The following DMD variants were observed in gnomAD, a reference collection of about 807,000 sequenced individuals.
DMD encodes dystrophin.
DMD carries 63 observed loss-of-function variants against 330.1 expected under a neutral mutation model. The ratio of observed to expected loss-of-function variants is 0.19; its 90% CI spans 0.16 to 0.24. The LOEUF (loss-of-function observed/expected upper bound fraction) is 0.24. Among genes scored for constraint, DMD ranks in the 10% least tolerant of loss-of-function variants. The pLI is 1.00. For missense variants in DMD, 3,344 were observed against 2,684.1 expected (o/e 1.25, Z -5.43); for synonymous variants, 1,223 against 959.8 (o/e 1.27, Z -5.07).
rs897571986 is a variant in DMD at position 31,298,967 on chromosome X, T to G, written c.9224+24631A>C. 8.0e-5 allele frequency among the ~76,000 whole-genome samples: 9 copies of G among 112,210 alleles called. No homozygotes were observed. The Admixed American group carries it at 8.5e-4, about 11-fold the overall frequency. On this transcript the variant is annotated intron_variant, in intron 62 of 78. Transcript: ENST00000357033. ...GCTTTACCTTTGAAGTTTTTTTCTT[T>G]TTCTTTTTTTGGGAAACAAAACACA...
rs12012233 is a variant in DMD at position 32,843,594 on chromosome X, G to A, written c.264+1189C>T. ...CAGATAAGCTGAGCAACATTTGGGGGAGTACATGTTATTATTAATCTATCC... is the reference window on the plus strand; with the variant it reads ...CAGATAAGCTGAGCAACATTTGGGGAAGTACATGTTATTATTAATCTATCC... On this transcript the variant is annotated intron_variant, in intron 4 of 78. Transcript: ENST00000357033. Among the ~76,000 whole-genome samples the A allele has an allele frequency of 2.1e-3, 238 of 112,155 alleles. 1 individual carries two copies. Among genetic ancestry groups the A allele is most frequent in the African/African-American group, 7.4e-3 (229 of 30,883 alleles).
In DMD at chrX:31,279,362, T is replaced by C. The variant is rs763661305; in HGVS notation, c.9225-18346A>G. 3.6e-5 allele frequency among the ~76,000 whole-genome samples: 4 copies of C among 112,206 alleles called. No individual in the cohort carries two copies. In the East Asian group the frequency reaches 1.1e-3, roughly 31 times the overall value. On this transcript the variant is annotated intron_variant, in intron 62 of 78. Coordinates refer to ENST00000357033, the MANE Select transcript of DMD (RefSeq NM_004006.3). ...CTTCCTGTAACTTTTCTTGAATATT[T>C]TGTGATATCTTGCAACATGGCCAAA...
chrX:31,614,089 C>T (rs1481923802), intron 55 of DMD, among the ~76,000 whole-genome samples: 2 of 112,343 alleles, frequency 1.8e-5, no homozygotes, highest in African/African-American at 6.5e-5. Flanking sequence ...CTTTTTAAAA[C>T]TGCATTGCAC....
intron 7 of DMD, among the ~76,000 whole-genome samples, chrX:32,719,329 A>G (rs1266471707): frequency 8.9e-6 from 1 of 112,111 alleles, no homozygotes; most frequent in Non-Finnish European, 1.9e-5. Context: ...GTTTACATGA[A>G]CCAAATAAAA....
chrX:32,310,433 C>T (rs996200176), intron 41 of DMD, among the ~76,000 whole-genome samples, 157 bp from the exon 42 acceptor site: 3 of 110,676 alleles, frequency 2.7e-5, no homozygotes, highest in African/African-American at 6.5e-5. Context: ...TCTAGTAAAA[C>T]GGTGATTTAT....
chrX:32,799,676 C>A (rs1250022804), intron 7 of DMD, among the ~76,000 whole-genome samples: 5 of 107,277 alleles, frequency 4.7e-5, no homozygotes, highest in African/African-American at 1.7e-4. Flanking sequence ...CCACGACCAA[C>A]GCATGTAGAA....
At position 32,390,174 on chromosome X, in the gene DMD, T is replaced by C. The variant is rs562517517; in HGVS notation, c.4241A>G (p.Gln1414Arg). The C allele has an allele frequency of 1.7e-6, 2 of 1,187,339 alleles. No individual in the cohort carries two copies. The highest frequency in any genetic ancestry group is 2.3e-4 in the Middle Eastern group (1 of 4,297). Residue 1414 changes from glutamine (Q) to arginine (R), a missense_variant, in exon 31 of 79, where the codon CAA becomes CGA. Coordinates refer to ENST00000357033, the MANE Select transcript of DMD (RefSeq NM_004006.3). The part of the protein sequence containing the change: ...AQMPQEAQKI[Q>R]SDLTSHEISL... ...GATCTCATGACTTGTCAAATCAGATTGGATTTTCTGTTGGGAGGATAGCAT... is the reference window on the plus strand; with the variant it reads ...GATCTCATGACTTGTCAAATCAGATCGGATTTTCTGTTGGGAGGATAGCAT...
intron 59 of DMD, among the ~76,000 whole-genome samples, chrX:31,447,225 C>A: frequency 1.1e-5 from 1 of 91,478 alleles, no homozygotes; most frequent in African/African-American, 3.9e-5. Flanking sequence ...TTAAAATTTA[C>A]TTTTCTTCTT....
At chrX:32,358,660 T>C (rs2097817423) in intron 37 of DMD, among the ~76,000 whole-genome samples, 1 of 111,645 alleles carries the variant, frequency 9.0e-6, no homozygotes, top group African/African-American at 3.3e-5. Flanking sequence ...CTTAAATTCA[T>C]CCACTTCATT....
intron 15 of DMD, among the ~76,000 whole-genome samples, chrX:32,568,509 G>GAA (rs35867606): frequency 1.1e-3 from 103 of 92,050 alleles, no homozygotes; most frequent in Admixed American, 2.5e-3. Context: ...TCCATCTCAA[G>GAA]AAAAAAAAAA....
intron 9 of DMD, among the ~76,000 whole-genome samples, chrX:32,678,155 G>A (rs1031153871): frequency 2.7e-5 from 3 of 111,892 alleles, no homozygotes; most frequent in Non-Finnish European, 5.6e-5. Flanking sequence ...CATCATGCAA[G>A]ATGAATAAAT....
intron 1 of DMD, among the ~76,000 whole-genome samples, chrX:33,139,406 G>A (rs1347867916): frequency 1.8e-5 from 2 of 111,233 alleles, no homozygotes; most frequent in African/African-American, 6.6e-5. Flanking sequence ...GAGTGCAGTG[G>A]AACGATCTCA....
intron 25 of DMD, among the ~76,000 whole-genome samples, chrX:32,457,721 G>C (rs759176961): frequency 2.7e-5 from 3 of 109,834 alleles, no homozygotes; most frequent in East Asian, 5.8e-4. Flanking sequence ...TTTGCAGAAA[G>C]ATGGAAAAAC....
chrX:33,258,027 G>A (rs2052886983), intron 1 of DMD, among the ~76,000 whole-genome samples: 1 of 111,197 alleles, frequency 9.0e-6, no homozygotes, highest in Non-Finnish European at 1.9e-5. Flanking sequence ...AAAAGTCTGA[G>A]GAAAAATTTC....
intron 59 of DMD, among the ~76,000 whole-genome samples, chrX:31,451,906 ATAT>A (rs1478756274): frequency 9.0e-6 from 1 of 110,772 alleles, no homozygotes; most frequent in Non-Finnish European, 1.9e-5. Flanking sequence ...TGAAGGCAAA[ATAT>A]TATGCAGTTT....
intron 1 of DMD, among the ~76,000 whole-genome samples, chrX:33,161,246 T>C (rs1362605951): frequency 9.0e-6 from 1 of 111,666 alleles, no homozygotes; most frequent in African/African-American, 3.3e-5. Flanking sequence ...TCTAAGGGTA[T>C]CACAAATGGC....
chrX:32,806,887 G>A (rs768361611), intron 7 of DMD, among the ~76,000 whole-genome samples: 30 of 110,012 alleles, frequency 2.7e-4, no homozygotes, highest in Non-Finnish European at 5.5e-4. Context: ...GAAGTTCTTT[G>A]AAACCAATGA....
chrX:33,091,214 TA>T (rs902713097), intron 1 of DMD, among the ~76,000 whole-genome samples: 2 of 111,855 alleles, frequency 1.8e-5, no homozygotes, highest in African/African-American at 6.5e-5. Context: ...ATTTATAGTT[TA>T]AACATGATAT....
chrX:31,731,852 A>G (rs1182506047), intron 51 of DMD, among the ~76,000 whole-genome samples: 1 of 111,485 alleles, frequency 9.0e-6, no homozygotes, highest in Non-Finnish European at 1.9e-5. Flanking sequence ...AAGATTTCAA[A>G]GTTCATTTAA....
Sources: allele counts gnomAD v4.1 joint callset (sites outside exome capture counted in the v4.1 genomes callset), GRCh38; gene constraint gnomAD v4.1.1; transcripts MANE v1.5; gene names NCBI Gene and HGNC (gene_info 2026-07-23, HGNC 2026-07-21).